SEL1L2: variants seen among roughly 807,000 people sequenced by gnomAD.
SEL1L2 encodes the protein protein sel-1 homolog 2.
SEL1L2 carries 89 observed loss-of-function variants against 98.8 expected under a neutral mutation model. That is an observed-to-expected ratio of 0.90 (90% CI 0.76 to 1.07). SEL1L2 has a LOEUF of 1.07. SEL1L2 is among the 50% of genes least tolerant of loss of function. The pLI, the probability that SEL1L2 is intolerant of heterozygous loss-of-function variation, is 0.00. For missense variants in SEL1L2, 788 were observed against 812.0 expected (o/e 0.97, Z 0.36); for synonymous variants, 262 against 278.5 (o/e 0.94, Z 0.59).
intron 2 of SEL1L2, among the ~76,000 whole-genome samples, chr20:13,936,947 C>G (rs971846264): frequency 6.6e-6 from 1 of 152,212 alleles, no homozygotes; most frequent in Non-Finnish European, 1.5e-5. Flanking sequence ...ATCTAAGATT[C>G]CTCACAGTCT....
chr20:13,858,752 G>C (rs1235185899), intron 18 of SEL1L2, among the ~76,000 whole-genome samples: 1 of 151,054 alleles, frequency 6.6e-6, no homozygotes, highest in East Asian at 2.0e-4. Context: ...TAGTCTTGGG[G>C]GACTGGAGAT....
At chr20:13,908,959 T>C (rs937218730) in intron 5 of SEL1L2, among the ~76,000 whole-genome samples, 1 of 150,536 alleles carries the variant, frequency 6.6e-6, no homozygotes, top group Admixed American at 6.6e-5. Context: ...ATTCCTATCT[T>C]TTTGTTCTTG....
intron 3 of SEL1L2, among the ~76,000 whole-genome samples, chr20:13,931,048 AT>A (rs11469570): frequency 0.5 from 72,145 of 144,038 alleles, 17,931 homozygotes; most frequent in South Asian, 0.55. Flanking sequence ...AGGAGTATCT[AT>A]TTTTTTTTTT....
At chr20:13,871,543 ACT>A (rs1454499955) in intron 12 of SEL1L2, among the ~76,000 whole-genome samples, 1 of 149,582 alleles carries the variant, frequency 6.7e-6, no homozygotes, top group African/African-American at 2.5e-5. Context: ...ACGGAGTCTC[ACT>A]CTGTTGCCCA....
intron 10 of SEL1L2, among the ~76,000 whole-genome samples, chr20:13,878,839 C>T (rs556576176): frequency 6.6e-6 from 1 of 152,196 alleles, no homozygotes; most frequent in Admixed American, 6.5e-5. Flanking sequence ...TGCTCCCTAG[C>T]AATGTTCCTG....
intron 1 of SEL1L2, among the ~76,000 whole-genome samples, chr20:13,966,275 C>T (rs550838839): frequency 6.6e-6 from 1 of 151,600 alleles, no homozygotes; most frequent in African/African-American, 2.4e-5. Flanking sequence ...TTGTTTTCTT[C>T]TTCTTCTTCC....
chr20:13,879,526 T>C (rs1256961275), intron 10 of SEL1L2, among the ~76,000 whole-genome samples: 2 of 152,054 alleles, frequency 1.3e-5, no homozygotes, highest in Admixed American at 1.3e-4. Context: ...CTCATTTTTG[T>C]ATTTTTAGTA....
intron 1 of SEL1L2, among the ~76,000 whole-genome samples, chr20:13,963,055 G>C (rs1008322290): frequency 3.3e-4 from 34 of 104,228 alleles, no homozygotes; most frequent in African/African-American, 1.0e-3. Context: ...AGCAGAGCAA[G>C]ACTCCATCTC....
In SEL1L2 at chr20:13,866,554, C is replaced by T. The variant is rs1600509760; in HGVS notation, c.1404+148G>A. 7 of 650,314 alleles carry T rather than the reference C, an allele frequency of 1.1e-5. 1 individual carries two copies. In the South Asian group the frequency reaches 2.9e-4, roughly 27 times the overall value. The allele number at this position is 650,314 out of a possible 1,614,324, so 40.3% of individuals were successfully genotyped here. Reference sequence around the variant, plus strand: ...CCTGAGTTACATCACTGCTTTTCCCCTCTGACAAATGTCAGTATTCACATT... The same window carrying T: ...CCTGAGTTACATCACTGCTTTTCCCTTCTGACAAATGTCAGTATTCACATT... On this transcript the variant is annotated intron_variant, in intron 15 of 19. Transcript: ENST00000284951.
intron 2 of SEL1L2, among the ~76,000 whole-genome samples, chr20:13,946,592 G>A (rs183358945): frequency 8.5e-5 from 13 of 152,366 alleles, no homozygotes; most frequent in African/African-American, 1.9e-4. Flanking sequence ...TGTGTGCTCC[G>A]CAGAGCCAGT....
chr20:13,959,748 C>A (rs1049271033), intron 1 of SEL1L2, among the ~76,000 whole-genome samples: 1 of 152,296 alleles, frequency 6.6e-6, no homozygotes, highest in East Asian at 1.9e-4. Flanking sequence ...TGGGAATAAA[C>A]AAACTTATTT....
chr20:13,916,720 C>A (rs1049169316), intron 4 of SEL1L2, among the ~76,000 whole-genome samples: 1 of 152,190 alleles, frequency 6.6e-6, no homozygotes, highest in African/African-American at 2.4e-5. Flanking sequence ...GCAGGAGAAT[C>A]GCTTGAACTG....
In SEL1L2 at chr20:13,990,512, A is replaced by C. The variant is rs775260448; in HGVS notation, c.23T>G (p.Ile8Arg). Residue 8 changes from isoleucine (I) to arginine (R), a missense_variant, in exon 1 of 20, where the codon ATA (isoleucine) becomes AGA (arginine). By Grantham distance (97) the Ile-to-Arg change is moderately conservative. Transcript: ENST00000284951. ...GACCCCAAGAATTATCAATATCTCT[A>C]TTAACAGAGACAAGGGCTTCATCTT... MKPLSLL[I>R]EILIILGVTI... is the part of the protein sequence containing the mutation. 32 of 1,612,766 alleles carry C rather than the reference A, an allele frequency of 2.0e-5. No individual in the cohort carries two copies. The highest frequency in any genetic ancestry group is 2.7e-5 in the Non-Finnish European group (32 of 1,179,014).
intron 1 of SEL1L2, among the ~76,000 whole-genome samples, chr20:13,971,592 A>AT (rs34169464): frequency 0.26 from 36,994 of 144,682 alleles, 5,796 homozygotes; most frequent in African/African-American, 0.46. Context: ...TAGCTAGCTA[A>AT]TTTTTTTTTT....
intron 1 of SEL1L2, among the ~76,000 whole-genome samples, chr20:13,988,949 G>T (rs564124155): frequency 6.6e-6 from 1 of 152,272 alleles, no homozygotes; most frequent in Non-Finnish European, 1.5e-5. Context: ...GGCAGCGGAG[G>T]TTGCAGTGAG....
At chr20:13,866,079 G>A (rs535092597) in intron 15 of SEL1L2, among the ~76,000 whole-genome samples, 2 of 152,264 alleles carry the variant, frequency 1.3e-5, no homozygotes, top group South Asian at 4.1e-4. Flanking sequence ...TAGGAAGTTG[G>A]CAAAGGAGCA....
intron 5 of SEL1L2, among the ~76,000 whole-genome samples, chr20:13,912,397 A>C (rs2048244007): frequency 6.7e-6 from 1 of 149,886 alleles, no homozygotes; most frequent in Admixed American, 6.8e-5. Flanking sequence ...TCCCAGGTTC[A>C]AGCAATTCTC....
intron 5 of SEL1L2, among the ~76,000 whole-genome samples, chr20:13,908,339 G>C (rs1454056280): frequency 1.3e-5 from 2 of 151,866 alleles, no homozygotes; most frequent in East Asian, 3.9e-4. Flanking sequence ...GCCAGGGCTG[G>C]TCTTAAAATC....
intron 17 of SEL1L2, among the ~76,000 whole-genome samples, chr20:13,864,283 T>G (rs1990647615): frequency 6.6e-6 from 1 of 152,198 alleles, no homozygotes; most frequent in Non-Finnish European, 1.5e-5. Flanking sequence ...CCACTGTGAC[T>G]TTTTCCTATG....
Sources: allele counts gnomAD v4.1 joint callset (sites outside exome capture counted in the v4.1 genomes callset), GRCh38; gene constraint gnomAD v4.1.1; transcripts MANE v1.5; gene names NCBI Gene and HGNC (gene_info 2026-07-23, HGNC 2026-07-21).